The following KHSRP variants were observed in gnomAD, a reference collection of about 807,000 sequenced individuals.
The protein encoded by KHSRP is KH-type splicing regulatory protein.
KHSRP carries 13 observed loss-of-function variants against 94.9 expected under a neutral mutation model. The ratio of observed to expected loss-of-function variants is 0.14; its 90% CI spans 0.09 to 0.22. The LOEUF is 0.22. Ranked by LOEUF, KHSRP falls within the 10% of genes least tolerant of loss-of-function variation. The pLI is 1.00. For synonymous variants in KHSRP, 495 were observed against 401.4 expected (o/e 1.23, Z -2.79); for missense variants, 710 against 1,010.0 (o/e 0.70, Z 4.03).
At chr19:6,421,449 G>A in intron 3 of KHSRP, 132 bp from the exon 4 acceptor site, 1 of 1,042,160 alleles carries the variant, frequency 9.6e-7, no homozygotes, top group Non-Finnish European at 1.4e-6. Context: ...CATGGATGCT[G>A]TGGATTCCTC....
intron 2 of KHSRP, 76 bp downstream of exon 2, chr19:6,422,264 A>G: frequency 1.1e-6 from 1 of 943,520 alleles, no homozygotes; most frequent in Non-Finnish European, 1.7e-6. Context: ...ACCCCCTCTG[A>G]ACCACACTCA....
In KHSRP at chr19:6,416,547, G is replaced by A; in HGVS notation, c.1431C>T (p.Ile477=). The A allele has an allele frequency of 6.2e-7, 1 of 1,613,856 alleles. No individual in the cohort carries two copies. Among genetic ancestry groups the A allele is most frequent in the Non-Finnish European group, 8.5e-7 (1 of 1,179,728 alleles). Residue 477 remains isoleucine, a synonymous_variant, in exon 14 of 19, where the codon ATC becomes ATT. Transcript: ENST00000600480. Reference sequence around the variant, plus strand: ...GGTCAATCTGCTGGGGTGAACCCCGGATGATGAACAACTTGAAGTTGGGGT... The same window carrying A: ...GGTCAATCTGCTGGGGTGAACCCCGAATGATGAACAACTTGAAGTTGGGGT... ...NGDPNFKLFI[I]RGSPQQIDHA...
At position 6,416,362 on chromosome 19, in the gene KHSRP, C is replaced by G; in HGVS notation, c.1534G>C (p.Ala512Pro). Residue 512 changes from alanine to proline, a missense_variant, in exon 15 of 19, where the codon GCT becomes CCT. Physicochemically the swap from Ala to Pro is conservative, Grantham distance 27. Coordinates refer to ENST00000600480, the MANE Select transcript of KHSRP (RefSeq NM_001366299.1). ...GGATTGAAGGGCCCCATTGGGCCAG[C>G]AGGGCCTGGGCCACCTGGGCCTGGT... ...VGPGPGGPGP[A>P]GPMGPFNPGP... The G allele has an allele frequency of 6.2e-7, 1 of 1,611,274 alleles. No individual in the cohort carries two copies. The highest frequency in any genetic ancestry group is 1.1e-5 in the South Asian group (1 of 90,924).
At chr19:6,416,442 T>C in intron 14 of KHSRP, 35 bp from the exon 15 acceptor site, 1 of 1,612,974 alleles carries the variant, frequency 6.2e-7, no homozygotes, top group Non-Finnish European at 8.5e-7. Flanking sequence ...GTAAGTGGGC[T>C]GGGATCCGGG....
chr19:6,419,074 GGCT>G lies in KHSRP; in HGVS notation c.605+126_605+128del. ...CGGGGAATCAGCCTCATGTTAACAT[GGCT>G]GTCTGGAGATGGGGGCAAGAATGGA... is the stretch of plus-strand genomic sequence containing the variant. On this transcript the variant is annotated intron_variant, in intron 7 of 18. Coordinates refer to ENST00000600480, the MANE Select transcript of KHSRP (RefSeq NM_001366299.1). The G allele has an allele frequency of 2.6e-6, 3 of 1,141,046 alleles. No individual in the cohort carries two copies. In the East Asian group the frequency reaches 7.8e-5, roughly 29 times the overall value. 70.7% of individuals were successfully genotyped at this position (1,141,046 alleles called of 1,614,324 possible). A position where few individuals can be genotyped will look rare whatever the true frequency, so the allele number is the denominator to read the frequency against.
At chr19:6,423,850 G>A (rs1456732558) in intron 1 of KHSRP, among the ~76,000 whole-genome samples, 1 of 152,180 alleles carries the variant, frequency 6.6e-6, no homozygotes, top group Non-Finnish European at 1.5e-5. Flanking sequence ...GGGGGTGGGA[G>A]ACCCTCCCTT....
Position 6,414,128 on chromosome 19 carries a change from G to A in KHSRP, c.*896C>T. ...TCATTCGATTCATTGAGCCTGCGGAGAGGGAAGAGATAGGAATTGGTCACT... is the reference window on the plus strand; with the variant it reads ...TCATTCGATTCATTGAGCCTGCGGAAAGGGAAGAGATAGGAATTGGTCACT... On this transcript the variant is annotated 3_prime_UTR_variant, in exon 19 of 19. Coordinates refer to ENST00000600480, the MANE Select transcript of KHSRP (RefSeq NM_001366299.1). 1 of 1,596,996 alleles carries A rather than the reference G, an allele frequency of 6.3e-7. No homozygotes were observed. The highest frequency in any genetic ancestry group is 2.3e-5 in the East Asian group (1 of 44,200).
At position 6,416,045 on chromosome 19, in the gene KHSRP, A is replaced by G. The variant is rs2092143256; in HGVS notation, c.1599-149T>C. On this transcript the variant is annotated intron_variant, in intron 15 of 18. Transcript: ENST00000600480. ...GCGCCTGGGAAAGGCCTAGACAAGA[A>G]GCAACTCGAAGGACGCGCAGCGTCA... 8 of 653,266 alleles carry G rather than the reference A, an allele frequency of 1.2e-5. No homozygotes were observed. In the East Asian group the frequency reaches 2.3e-4, roughly 19 times the overall value. 40.5% of individuals were successfully genotyped at this position (653,266 alleles called of 1,614,324 possible).
chr19:6,416,263 C>A, intron 15 of KHSRP, 35 bp downstream of exon 15: 1 of 1,519,636 alleles, frequency 6.6e-7, no homozygotes, highest in South Asian at 1.2e-5. Context: ...CAGTAAGCCC[C>A]CGGCCTCAAA....
At chr19:6,417,595 T>C in intron 11 of KHSRP, 144 bp downstream of exon 11, 2 of 651,952 alleles carry the variant, frequency 3.1e-6, no homozygotes, top group Non-Finnish European at 5.5e-6. Context: ...GAGAAGGGAC[T>C]GGCCATGTTC....
intron 11 of KHSRP, 125 bp downstream of exon 11, chr19:6,417,614 G>A (rs758490533): frequency 5.7e-6 from 4 of 706,036 alleles, no homozygotes; most frequent in Admixed American, 4.4e-5. Flanking sequence ...TCTGACGGCT[G>A]GACTAAGAGC....
chr19:6,423,278 AAAAC>A (rs893840784), intron 1 of KHSRP, among the ~76,000 whole-genome samples: 35 of 152,208 alleles, frequency 2.3e-4, no homozygotes, highest in Non-Finnish European at 3.1e-4. Context: ...CTGTTTCCAA[AAAAC>A]AAACAAACAA....
At position 6,414,551 on chromosome 19, in the gene KHSRP, C is replaced by T; in HGVS notation, c.*473G>A. 1.9e-6 allele frequency: 2 copies of T among 1,026,882 alleles called. No homozygotes were observed. Among genetic ancestry groups the T allele is most frequent in the Non-Finnish European group, 2.3e-6 (2 of 857,286 alleles). The allele number at this position is 1,026,882 out of a possible 1,614,324, so 63.6% of individuals were successfully genotyped here. ...TTCACAGACAAGCCCGGGACACAGG[C>T]AAGCGCGAGCGCATGGGAGGCTGAG... On this transcript the variant is annotated 3_prime_UTR_variant, in exon 19 of 19. Transcript: ENST00000600480.
chr19:6,421,186 T>A, intron 4 of KHSRP, 92 bp downstream of exon 4: 1 of 1,186,062 alleles, frequency 8.4e-7, no homozygotes, highest in Non-Finnish European at 1.2e-6. Context: ...ACCTGAGAGA[T>A]GTGCCCCCAG....
rs374716630 is a variant in KHSRP at position 6,418,616 on chromosome 19, C to G, written c.781-35G>C. 1.2e-5 allele frequency: 20 copies of G among 1,611,178 alleles called. No homozygotes were observed. Among genetic ancestry groups the G allele is most frequent in the Non-Finnish European group, 1.7e-5 (20 of 1,177,400 alleles). On this transcript the variant is annotated intron_variant, in intron 8 of 18. Transcript: ENST00000600480. This position sits in a 1 kb window ranked among gnomAD's most constrained non-coding sequence, Gnocchi z 4.3. ...CAAGGTTAACCGTTAGTGCTGGGCT[C>G]TCCCAGGACTTCCTGGGCTGCTGTG...
chr19:6,420,273 G>A, intron 5 of KHSRP, 129 bp from the exon 6 acceptor site: 1 of 1,147,956 alleles, frequency 8.7e-7, no homozygotes, highest in Non-Finnish European at 1.3e-6. Context: ...GAGAGCTCCT[G>A]TCCTCTGCCC....
Position 6,414,706 on chromosome 19 carries a change from G to A in KHSRP, c.*318C>T, listed in dbSNP as rs2092129107. On this transcript the variant is annotated 3_prime_UTR_variant, in exon 19 of 19. Coordinates refer to ENST00000600480, the MANE Select transcript of KHSRP (RefSeq NM_001366299.1). ...GGTTTAAAAAATAAAAGAATAAAAAGAACAAAAACCAAAAAAGTGATGCAG... is the reference window on the plus strand; with the variant it reads ...GGTTTAAAAAATAAAAGAATAAAAAAAACAAAAACCAAAAAAGTGATGCAG... 1 of 1,030,018 alleles carries A rather than the reference G, an allele frequency of 9.7e-7. No individual in the cohort carries two copies. Among genetic ancestry groups the A allele is most frequent in the Admixed American group, 5.3e-5 (1 of 18,772 alleles). The allele number at this position is 1,030,018 out of a possible 1,614,324, so 63.8% of individuals were successfully genotyped here.
Position 6,418,972 on chromosome 19 carries a change from A to T in KHSRP, c.606-96T>A, listed in dbSNP as rs566458014. On this transcript the variant is annotated intron_variant, in intron 7 of 18. Transcript: ENST00000600480. This position sits in a 1 kb window ranked among gnomAD's most constrained non-coding sequence, Gnocchi z 4.3. ...CAGCTCAAAGGGAAGGCGACCCCAG[A>T]GTGTGCAAGGATGACAGGGAAGAGG... 3.2e-5 allele frequency: 43 copies of T among 1,323,944 alleles called. No homozygotes were observed. In the East Asian group the frequency reaches 9.8e-4, roughly 30 times the overall value. 82.0% of individuals were successfully genotyped at this position (1,323,944 alleles called of 1,614,324 possible). A position where few individuals can be genotyped will look rare whatever the true frequency, so the allele number is the denominator to read the frequency against.
At position 6,414,697 on chromosome 19, in the gene KHSRP, G is replaced by T; in HGVS notation, c.*327C>A. ...AAGATCATGGGTTTAAAAAATAAAA[G>T]AATAAAAAGAACAAAAACCAAAAAA... On this transcript the variant is annotated 3_prime_UTR_variant, in exon 19 of 19. Transcript: ENST00000600480. 9.8e-7 allele frequency: 1 copy of T among 1,023,990 alleles called. No homozygotes were observed. Among genetic ancestry groups the T allele is most frequent in the Non-Finnish European group, 1.2e-6 (1 of 855,754 alleles). The allele number at this position is 1,023,990 out of a possible 1,614,324, so 63.4% of individuals were successfully genotyped here.
Sources: gnomAD v4.1 joint callset for allele counts (sites outside exome capture counted in the v4.1 genomes callset) on GRCh38, gnomAD v4.1.1 for gene constraint, Gnocchi (gnomAD v3.1) non-coding constraint, MANE v1.5 for transcripts, NCBI Gene and HGNC (gene_info 2026-07-23, HGNC 2026-07-21) for gene names.